Variants in MORC2 observed in about 807,000 individuals in gnomAD.
MORC2 encodes MORC family CW-type zinc finger 2.
In MORC2, 30 loss-of-function variants were observed where a neutral mutation model predicts 136.0. The ratio of observed to expected loss-of-function variants is 0.22; its 90% CI spans 0.17 to 0.30. MORC2 has a LOEUF of 0.30. MORC2 is among the 10% of genes least tolerant of loss of function. The pLI, the probability that MORC2 is intolerant of heterozygous loss-of-function variation, is 1.00. For missense variants in MORC2, 922 were observed against 1,333.1 expected (o/e 0.69, Z 4.80); for synonymous variants, 439 against 487.0 (o/e 0.90, Z 1.30).
chr22:30,950,424 C>T lies in MORC2; in HGVS notation c.179G>A (p.Gly60Glu). 6.7e-7 allele frequency: 1 copy of T among 1,499,658 alleles called. No homozygotes were observed. The highest frequency in any genetic ancestry group is 1.1e-5 in the South Asian group (1 of 89,706). The allele number at this position is 1,499,658 out of a possible 1,614,324, so 92.9% of individuals were successfully genotyped here. A position where few individuals can be genotyped will look rare whatever the true frequency, so the allele number is the denominator to read the frequency against. ...IYAERREDLR[G>E]GFMLCFLDDG... is the part of the protein sequence containing the mutation. ...ATCCAAAAAGCAAAGCATAAATCCTCCTCGAAGGTCCTCTCGTCTTTCTGT... is the reference window on the plus strand; with the variant it reads ...ATCCAAAAAGCAAAGCATAAATCCTTCTCGAAGGTCCTCTCGTCTTTCTGT... Residue 60 changes from glycine (G) to glutamate (E), a missense_variant, in exon 4 of 26, where the codon GGA becomes GAA. By Grantham distance (98) the Gly-to-Glu change is moderately conservative. Around this residue, in one of 9 missense-constraint regions of MORC2, gnomAD observed 57 missense variants for 71.8 expected, o/e 0.79. Coordinates refer to ENST00000397641, the MANE Select transcript of MORC2 (RefSeq NM_001303256.3).
At position 30,934,093 on chromosome 22, in the gene MORC2, A is replaced by G. The variant is rs1396767941; in HGVS notation, c.2292T>C (p.Phe764=). 1.9e-6 allele frequency: 3 copies of G among 1,614,126 alleles called. No homozygotes were observed. Among genetic ancestry groups the G allele is most frequent in the Non-Finnish European group, 2.5e-6 (3 of 1,180,020 alleles). Residue 764 remains phenylalanine (F), a synonymous_variant, in exon 20 of 26, where the codon TTT becomes TTC. Transcript: ENST00000397641. The surrounding 1 kb of genome is among the most constrained non-coding windows in gnomAD (Gnocchi z 4.4). The part of the protein sequence containing the change: ...RRKERCKRGR[F]VVKEEKKDSN... ...AGTCCTTCTTTTCCTCCTTCACAAC[A>G]AATCTGCCCCGCTTGCACCTCTCCT...
At chr22:30,958,564 T>C in intron 2 of MORC2, 77 bp downstream of exon 2, 1 of 1,175,934 alleles carries the variant, frequency 8.5e-7, no homozygotes, top group African/African-American at 1.6e-5. Flanking sequence ...TCCTCTCAAG[T>C]CTTCAGAGAG....
chr22:30,939,376 G>A lies in MORC2; in HGVS notation c.1073+245C>T, dbSNP rs1307189732. 3.3e-5 allele frequency among the ~76,000 whole-genome samples: 5 copies of A among 152,142 alleles called. No individual in the cohort carries two copies. The East Asian group carries it at 9.6e-4, about 29-fold the overall frequency. On this transcript the variant is annotated intron_variant, in intron 12 of 25. Transcript: ENST00000397641. Reference sequence around the variant, plus strand: ...AAATGAAAAGAAAGAAAGAAAAAGGGAAGAAAAGGTAAGACAGTGCCAAAG... The same window carrying A: ...AAATGAAAAGAAAGAAAGAAAAAGGAAAGAAAAGGTAAGACAGTGCCAAAG...
Position 30,937,063 on chromosome 22 carries a change from T to C in MORC2, c.1499-26A>G, listed in dbSNP as rs753429235. 3.9e-6 allele frequency: 6 copies of C among 1,531,514 alleles called. No homozygotes were observed. In the Admixed American group the frequency reaches 1.0e-4, roughly 26 times the overall value. The allele number at this position is 1,531,514 out of a possible 1,614,324, so 94.9% of individuals were successfully genotyped here. A position where few individuals can be genotyped will look rare whatever the true frequency, so the allele number is the denominator to read the frequency against. On this transcript the variant is annotated intron_variant, in intron 15 of 25. Coordinates refer to ENST00000397641, the MANE Select transcript of MORC2 (RefSeq NM_001303256.3). This position sits in a 1 kb window ranked among gnomAD's most constrained non-coding sequence, Gnocchi z 4.7. ...CTGCAGAGAGCAAAAAAACCCCACA[T>C]ATCAGCCACGCCCACCAACTCTATC...
intron 1 of MORC2, among the ~76,000 whole-genome samples, chr22:30,959,809 T>C (rs2041017238): frequency 6.6e-6 from 1 of 152,244 alleles, no homozygotes; most frequent in Admixed American, 6.5e-5. Flanking sequence ...AAATGAAATA[T>C]ATCAATAGTA....
chr22:30,932,421 A>C lies in MORC2; in HGVS notation c.2779T>G (p.Phe927Val). ...NCLRYFLPPS[F>V]PISKKQLSAM... ...CTCAGCTGCTTCTTGGAGATGGGGA[A>C]ACTTGGAGGCAGGAAGTACCGTAAA... Residue 927 changes from phenylalanine (F) to valine (V), a missense_variant, in exon 24 of 26, where the codon TTC becomes GTC. This residue lies in a region of MORC2 where 263 missense variants were observed against 388.3 expected (regional missense o/e 0.68). Transcript: ENST00000397641. The surrounding 1 kb of genome is among the most constrained non-coding windows in gnomAD (Gnocchi z 4.4). The C allele has an allele frequency of 6.2e-7, 1 of 1,614,180 alleles. No homozygotes were observed. Among genetic ancestry groups the C allele is most frequent in the Non-Finnish European group, 8.5e-7 (1 of 1,180,004 alleles).
chr22:30,942,083 T>C, intron 7 of MORC2, 29 bp downstream of exon 7: 2 of 1,611,890 alleles, frequency 1.2e-6, no homozygotes, highest in Non-Finnish European at 1.7e-6. Context: ...TCCCAGATTC[T>C]AGGGGCTACA....
At chr22:30,967,151 A>T (rs2041140391) in intron 1 of MORC2, 7 of 985,462 alleles carry the variant, frequency 7.1e-6, no homozygotes, top group Non-Finnish European at 7.2e-6. Flanking sequence ...GGGCATATGG[A>T]TTAAACCTGA....
chr22:30,929,139 G>T (rs141413699), intron 24 of MORC2, among the ~76,000 whole-genome samples: 62 of 152,296 alleles, frequency 4.1e-4, no homozygotes, highest in African/African-American at 1.4e-3. Flanking sequence ...GATAGCAAGA[G>T]AAACTTCTAG....
At chr22:30,944,538 T>A (rs928569692) in intron 6 of MORC2, among the ~76,000 whole-genome samples, 1 of 152,108 alleles carries the variant, frequency 6.6e-6, no homozygotes, top group African/African-American at 2.4e-5. Flanking sequence ...ATTCTCTCCA[T>A]TAGGTGACCT....
At chr22:30,933,123 G>A in intron 21 of MORC2, 93 bp from the exon 22 acceptor site, 1 of 1,546,132 alleles carries the variant, frequency 6.5e-7, no homozygotes, top group Non-Finnish European at 8.8e-7. Flanking sequence ...CCCAGGGTTT[G>A]GAGGACAGGA....
intron 5 of MORC2, 63 bp from the exon 6 acceptor site, chr22:30,946,512 A>G: frequency 1.4e-6 from 2 of 1,412,626 alleles, no homozygotes; most frequent in South Asian, 2.5e-5. Flanking sequence ...TGCAAAAGAA[A>G]TCAATCCACT....
In MORC2 at chr22:30,968,372, T is replaced by G. The variant is rs566895923; in HGVS notation, c.-483A>C. On this transcript the variant is annotated 5_prime_UTR_variant, in exon 1 of 26. Coordinates refer to ENST00000397641, the MANE Select transcript of MORC2 (RefSeq NM_001303256.3). Reference sequence around the variant, plus strand: ...TGATCAGCCATGTCTTCGCCACACGTGATGCCAGGATTCTTAAACAGGCCC... The same window carrying G: ...TGATCAGCCATGTCTTCGCCACACGGGATGCCAGGATTCTTAAACAGGCCC... The G allele has an allele frequency of 6.5e-6, 1 of 154,546 alleles. No individual in the cohort carries two copies. Among genetic ancestry groups the G allele is most frequent in the African/African-American group, 2.4e-5 (1 of 41,542 alleles). 9.6% of individuals were successfully genotyped at this position (154,546 alleles called of 1,614,324 possible). A position where few individuals can be genotyped will look rare whatever the true frequency, so the allele number is the denominator to read the frequency against.
rs552789412 is a variant in MORC2 at position 30,937,751 on chromosome 22, C to A, written c.1370-40G>T. 4 of 1,613,358 alleles carry A rather than the reference C, an allele frequency of 2.5e-6. No homozygotes were observed. The highest frequency in any genetic ancestry group is 3.4e-6 in the Non-Finnish European group (4 of 1,179,590). ...CCGATACATCATGTTAGGAGCCAGCCTCTCTCTCTCCCTACATTCAGGTGA... is the reference window on the plus strand; with the variant it reads ...CCGATACATCATGTTAGGAGCCAGCATCTCTCTCTCCCTACATTCAGGTGA... On this transcript the variant is annotated intron_variant, in intron 14 of 25. Transcript: ENST00000397641. The surrounding 1 kb of genome is among the most constrained non-coding windows in gnomAD (Gnocchi z 4.7).
chr22:30,968,003 A>G lies in MORC2; in HGVS notation c.-114T>C. On this transcript the variant is annotated 5_prime_UTR_variant, in exon 1 of 26. Coordinates refer to ENST00000397641, the MANE Select transcript of MORC2 (RefSeq NM_001303256.3). ...AGCTTCAGTAAGTCTGTGCTCCTTA[A>G]TGACAGTTAAAGTAACCTAGTAGCT... 1 of 924,908 alleles carries G rather than the reference A, an allele frequency of 1.1e-6. No homozygotes were observed. The highest frequency in any genetic ancestry group is 1.7e-6 in the Non-Finnish European group (1 of 590,410). The allele number at this position is 924,908 out of a possible 1,614,324, so 57.3% of individuals were successfully genotyped here.
At chr22:30,928,960 C>A (rs999656636) in intron 24 of MORC2, among the ~76,000 whole-genome samples, 1 of 152,222 alleles carries the variant, frequency 6.6e-6, no homozygotes, top group Non-Finnish European at 1.5e-5. Context: ...TGAACACACA[C>A]GCCACAACCA....
intron 10 of MORC2, 94 bp from the exon 11 acceptor site, chr22:30,940,135 C>T (rs926112650): frequency 1.6e-6 from 2 of 1,253,230 alleles, no homozygotes; most frequent in Non-Finnish European, 2.3e-6. Flanking sequence ...GAAGTGTGTA[C>T]ACCACCAAGG....
chr22:30,957,538 C>G (rs1423630230), intron 2 of MORC2, among the ~76,000 whole-genome samples: 2 of 152,182 alleles, frequency 1.3e-5, no homozygotes, highest in African/African-American at 2.4e-5. Flanking sequence ...AAAACATTTT[C>G]AAATATGAGA....
At chr22:30,938,984 A>T (rs1480409155) in intron 12 of MORC2, among the ~76,000 whole-genome samples, 2 of 152,234 alleles carry the variant, frequency 1.3e-5, no homozygotes, top group African/African-American at 4.8e-5. Flanking sequence ...ATGGATGAGG[A>T]GTGGACTGAC....
Sources: gnomAD v4.1 joint callset for allele counts (sites outside exome capture counted in the v4.1 genomes callset) on GRCh38, gnomAD v4.1.1 for gene constraint, gnomAD v4.1.1 regional missense constraint, Gnocchi (gnomAD v3.1) non-coding constraint, MANE v1.5 for transcripts, NCBI Gene and HGNC (gene_info 2026-07-23, HGNC 2026-07-21) for gene names.